The following CDCA2 variants were observed in gnomAD, a reference collection of about 807,000 sequenced individuals.
CDCA2 encodes the protein cell division cycle-associated protein 2.
A neutral mutation model predicts 67.0 loss-of-function variants in CDCA2; 44 were observed. The ratio of observed to expected loss-of-function variants is 0.66; its 90% CI spans 0.52 to 0.84. CDCA2 has a LOEUF of 0.84. Ranked by LOEUF, CDCA2 falls within the 40% of genes least tolerant of loss-of-function variation. CDCA2 has a pLI of 0.00. For synonymous variants in CDCA2, 447 were observed against 418.7 expected, an observed-to-expected ratio of 1.07 and a Z score of -0.82; for missense variants, 1,253 against 1,203.2, an observed-to-expected ratio of 1.04 and a Z score of -0.61.
chr8:25,484,823 A>G (rs748685624), intron 10 of CDCA2, among the ~76,000 whole-genome samples: 8 of 152,138 alleles, frequency 5.3e-5, no homozygotes, highest in Non-Finnish European at 1.2e-4. Flanking sequence ...TTAAAATACT[A>G]ATTCTACACA....
chr8:25,463,120 T>G (rs1320047740), intron 4 of CDCA2, among the ~76,000 whole-genome samples: 2 of 152,144 alleles, frequency 1.3e-5, no homozygotes, highest in Non-Finnish European at 2.9e-5. Flanking sequence ...TATCTCTAAG[T>G]TACTGATTTT....
rs144775942 is a variant in CDCA2, at chr8:25,490,844, G to A, written c.1671+2155G>A. ...GCCCCACCCTAGGTAGGATTTCCACGCAGGAAAGAGACTGAGCTGGAAAGC... is the reference window on the plus strand; with the variant it reads ...GCCCCACCCTAGGTAGGATTTCCACACAGGAAAGAGACTGAGCTGGAAAGC... On this transcript the variant is annotated intron_variant, in intron 13 of 14. Coordinates refer to ENST00000330560, the MANE Select transcript of CDCA2 (RefSeq NM_152562.4). 4.6e-3 allele frequency among the ~76,000 whole-genome samples: 693 copies of A among 152,268 alleles called. 3 individuals carry two copies. Among genetic ancestry groups the A allele is most frequent in the Non-Finnish European group, 7.8e-3 (530 of 68,026 alleles).
At chr8:25,505,692 T>C (rs530529966) in intron 14 of CDCA2, among the ~76,000 whole-genome samples, 10 of 152,322 alleles carry the variant, frequency 6.6e-5, no homozygotes, top group African/African-American at 2.4e-4. Flanking sequence ...TTTTTTAGTT[T>C]TTATTTTATT....
Position 25,507,657 on chromosome 8 carries a change from A to G in CDCA2, c.2991A>G (p.Arg997=). The G allele has an allele frequency of 6.2e-7, 1 of 1,614,206 alleles. No individual in the cohort carries two copies. Among genetic ancestry groups the G allele is most frequent in the Non-Finnish European group, 8.5e-7 (1 of 1,180,026 alleles). The part of the protein sequence containing the change: ...KATSQFKGYR[R]RSSLNGKGES... ...CTTCCCAGTTCAAAGGCTACCGGAGAAGATCCTCTCTTAATGGGAAGGGAG... is the reference window on the plus strand; with the variant it reads ...CTTCCCAGTTCAAAGGCTACCGGAGGAGATCCTCTCTTAATGGGAAGGGAG... The change falls in exon 15 of 15, where the codon AGA becomes AGG. Residue 997 remains arginine, a synonymous_variant. Transcript: ENST00000330560.
At chr8:25,480,752 G>A (rs1242267411) in intron 8 of CDCA2, among the ~76,000 whole-genome samples, 1 of 152,166 alleles carries the variant, frequency 6.6e-6, no homozygotes, top group Non-Finnish European at 1.5e-5. Flanking sequence ...ATGACAGGCT[G>A]TCAGTCCATG....
chr8:25,467,041 C>CA (rs59618544), intron 5 of CDCA2, among the ~76,000 whole-genome samples: 2,678 of 49,082 alleles, frequency 0.055, 346 homozygotes, highest in African/African-American at 0.066. Context: ...GAGTCCCTTT[C>CA]AAAAAAAAAA....
At chr8:25,472,261 T>G (rs11775358) in intron 7 of CDCA2, 1 of 151,278 alleles carries the variant, frequency 6.6e-6, no homozygotes, top group African/African-American at 2.4e-5. Context: ...TTATTTATTT[T>G]TTTTTTTTGA....
chr8:25,488,301 T>G (rs1803860708), intron 12 of CDCA2, among the ~76,000 whole-genome samples: 1 of 152,202 alleles, frequency 6.6e-6, no homozygotes, highest in African/African-American at 2.4e-5. Flanking sequence ...TCTTAAGCTG[T>G]TTTTTCTTTC....
intron 6 of CDCA2, among the ~76,000 whole-genome samples, chr8:25,468,974 A>G (rs1803045006): frequency 6.6e-6 from 1 of 152,248 alleles, no homozygotes. Flanking sequence ...GTGGCTTATA[A>G]CTACCTAAAC....
Position 25,484,146 on chromosome 8 carries a change from T to A in CDCA2, c.1301T>A (p.Leu434His). The A allele has an allele frequency of 6.2e-7, 1 of 1,614,232 alleles. No homozygotes were observed. Among genetic ancestry groups the A allele is most frequent in the Non-Finnish European group, 8.5e-7 (1 of 1,180,038 alleles). The change falls in exon 10 of 15, where the codon CTT (leucine) becomes CAT (histidine). Residue 434 changes from leucine to histidine, a missense_variant. By Grantham distance (99) the Leu-to-His change is moderately conservative. Transcript: ENST00000330560. ...KDFSGLSSLL[L>H]EQSPVPEPLP... The stretch of plus-strand genomic sequence containing the variant: ...TTCAGTGGTCTCAGTTCCCTGCTGC[T>A]TGAGCAGTCACCTGTTCCTGAGCCA...
At position 25,484,054 on chromosome 8, in the gene CDCA2, G is replaced by A. The variant is rs1160404020; in HGVS notation, c.1209G>A (p.Val403=). The change falls in exon 10 of 15, where the codon GTG becomes GTA. Residue 403 remains valine (V), a synonymous_variant. Coordinates refer to ENST00000330560, the MANE Select transcript of CDCA2 (RefSeq NM_152562.4). ...VTFGEDLSPE[V]FDESLPANTP... is the part of the protein sequence containing the mutation. The stretch of plus-strand genomic sequence containing the variant: ...TTGGAGAGGACTTAAGCCCGGAAGT[G>A]TTTGATGAATCTTTGCCAGCAAATA... 3 of 1,614,072 alleles carry A rather than the reference G, an allele frequency of 1.9e-6. No homozygotes were observed. Among genetic ancestry groups the A allele is most frequent in the South Asian group, 1.1e-5 (1 of 91,086 alleles).
Position 25,468,322 on chromosome 8 carries a change from C to T in CDCA2, c.644C>T (p.Thr215Met), listed in dbSNP as rs1210081333. The change falls in exon 6 of 15, where the codon ACG becomes ATG. Residue 215 changes from threonine to methionine, a missense_variant. Physicochemically the swap from Thr to Met is moderately conservative, Grantham distance 81. Transcript: ENST00000330560. Reference sequence around the variant, plus strand: ...CAGAGAGACTCTGATGAAAATCTGACGGATGCTGAAGGAAAAGTAATTGGT... The same window carrying T: ...CAGAGAGACTCTGATGAAAATCTGATGGATGCTGAAGGAAAAGTAATTGGT... ...SYQRDSDENL[T>M]DAEGKVIGLQ... The T allele has an allele frequency of 3.1e-6, 5 of 1,613,508 alleles. No homozygotes were observed. The highest frequency in any genetic ancestry group is 2.2e-5 in the South Asian group (2 of 91,062).
At chr8:25,476,938 A>C (rs1347766358) in intron 7 of CDCA2, among the ~76,000 whole-genome samples, 1 of 151,734 alleles carries the variant, frequency 6.6e-6, no homozygotes, top group Non-Finnish European at 1.5e-5. Flanking sequence ...CTCTTTTCTG[A>C]ATTGTTAACT....
chr8:25,470,028 A>G (rs764128356), intron 7 of CDCA2, 48 bp downstream of exon 7: 31 of 1,288,602 alleles, frequency 2.4e-5, no homozygotes. Flanking sequence ...ATTCATAGAC[A>G]TTTATGATTA....
chr8:25,489,290 A>G (rs1460576747), intron 13 of CDCA2, among the ~76,000 whole-genome samples: 1 of 152,154 alleles, frequency 6.6e-6, no homozygotes, highest in African/African-American at 2.4e-5. Flanking sequence ...CCCGTGTAGC[A>G]GTGCTCATTC....
intron 8 of CDCA2, among the ~76,000 whole-genome samples, chr8:25,481,665 G>T (rs1803577189): frequency 6.6e-6 from 1 of 152,026 alleles, no homozygotes; most frequent in Non-Finnish European, 1.5e-5. Flanking sequence ...ACTCCAGCCT[G>T]GGCAACAGAG....
chr8:25,476,181 T>C (rs1563267180), intron 7 of CDCA2, among the ~76,000 whole-genome samples: 1 of 152,232 alleles, frequency 6.6e-6, no homozygotes, highest in Non-Finnish European at 1.5e-5. Flanking sequence ...TAGTTGCTCA[T>C]TGGATTTCTC....
intron 13 of CDCA2, among the ~76,000 whole-genome samples, chr8:25,491,548 A>G (rs924766519): frequency 6.6e-6 from 1 of 151,980 alleles, no homozygotes; most frequent in African/African-American, 2.4e-5. Context: ...ATTTCAACCG[A>G]GTATTCTACA....
At chr8:25,460,856 G>A (rs777632333) in intron 3 of CDCA2, among the ~76,000 whole-genome samples, 7 of 152,088 alleles carry the variant, frequency 4.6e-5, no homozygotes, top group Non-Finnish European at 7.3e-5. Flanking sequence ...GATACAGGAG[G>A]GTGTATGATA....
Sources: gnomAD v4.1 joint callset for allele counts (sites outside exome capture counted in the v4.1 genomes callset) on GRCh38, gnomAD v4.1.1 for gene constraint, MANE v1.5 for transcripts, NCBI Gene and HGNC (gene_info 2026-07-23, HGNC 2026-07-21) for gene names.